The following DACH1 variants were observed in gnomAD, a reference collection of about 807,000 sequenced individuals.
DACH1 encodes dachshund homolog 1.
DACH1 carries 12 observed loss-of-function variants against 54.2 expected under a neutral mutation model. The observed-to-expected ratio is 0.22, with a 90% CI of 0.14 to 0.36. The LOEUF (loss-of-function observed/expected upper bound fraction) is 0.36, where lower values mean the gene tolerates loss of function less well. Ranked by LOEUF, DACH1 falls within the 10% of genes least tolerant of loss-of-function variation. The pLI is 1.00. For missense variants in DACH1, 805 were observed against 929.8 expected, an observed-to-expected ratio of 0.87 and a Z score of 1.75; for synonymous variants, 386 against 366.2, an observed-to-expected ratio of 1.05 and a Z score of -0.62.
intron 3 of DACH1, among the ~76,000 whole-genome samples, chr13:71,599,420 T>C (rs1191023814): frequency 6.6e-6 from 1 of 152,034 alleles, no homozygotes; most frequent in East Asian, 1.9e-4. Flanking sequence ...CTTTCAGGGG[T>C]AGAAAAATGG....
intron 3 of DACH1, among the ~76,000 whole-genome samples, chr13:71,621,861 A>G (rs1286589690): frequency 2.6e-5 from 4 of 152,166 alleles, no homozygotes; most frequent in African/African-American, 9.6e-5. Flanking sequence ...AACTGCACAT[A>G]CTGTTTTAAT....
chr13:71,633,890 C>T (rs754708653), intron 2 of DACH1, among the ~76,000 whole-genome samples: 8 of 152,018 alleles, frequency 5.3e-5, no homozygotes, highest in South Asian at 2.1e-4. Context: ...TATAATAGCA[C>T]GTCCCCCATC....
intron 1 of DACH1, among the ~76,000 whole-genome samples, chr13:71,789,798 G>A (rs1886760057): frequency 6.6e-6 from 1 of 152,050 alleles, no homozygotes; most frequent in Admixed American, 6.6e-5. Flanking sequence ...CATAAACAAT[G>A]CAATCAAACC....
chr13:71,462,401 A>C (rs888290301), intron 10 of DACH1, among the ~76,000 whole-genome samples: 6 of 151,880 alleles, frequency 4.0e-5, no homozygotes, highest in African/African-American at 1.4e-4. Flanking sequence ...TAATTGATGT[A>C]ATTATTGAAA....
intron 1 of DACH1, among the ~76,000 whole-genome samples, chr13:71,750,416 C>T (rs1441499511): frequency 2.0e-5 from 3 of 152,082 alleles, no homozygotes; most frequent in Non-Finnish European, 4.4e-5. Flanking sequence ...TGAATGACAA[C>T]AGAATTAAGG....
intron 6 of DACH1, among the ~76,000 whole-genome samples, chr13:71,520,000 C>G (rs1424093179): frequency 1.3e-5 from 2 of 148,342 alleles, no homozygotes; most frequent in Non-Finnish European, 3.0e-5. Context: ...TGGTCACCAC[C>G]ACATTGCCAT....
chr13:71,845,793 A>G (rs140490319), intron 1 of DACH1, among the ~76,000 whole-genome samples: 6 of 152,312 alleles, frequency 3.9e-5, no homozygotes, highest in African/African-American at 1.4e-4. Context: ...TGAAGATATA[A>G]ATTAGATTAA....
chr13:71,479,555 A>G (rs1029010649), intron 7 of DACH1, among the ~76,000 whole-genome samples: 1 of 152,212 alleles, frequency 6.6e-6, no homozygotes, highest in African/African-American at 2.4e-5. Flanking sequence ...TAATTAGAAT[A>G]TCTAGATCCA....
rs1885720770 is a variant in DACH1, at chr13:71,579,312, C to G, written c.1127-6300G>C. Among the ~76,000 whole-genome samples, 3 of 152,196 alleles carry G rather than the reference C, an allele frequency of 2.0e-5. No homozygotes were observed. The East Asian group carries it at 5.8e-4, about 29-fold the overall frequency. On this transcript the variant is annotated intron_variant, in intron 3 of 10. Coordinates refer to ENST00000613252, the MANE Select transcript of DACH1 (RefSeq NM_080759.6). The stretch of plus-strand genomic sequence containing the variant: ...TTGCCCTATATACTCCACAATGGTG[C>G]TGAAAGTAACAATAAGTGAAGTTGT...
At position 71,866,543 on chromosome 13, in the gene DACH1, C is replaced by T; in HGVS notation, c.227G>A (p.Gly76Asp). 1 of 1,241,044 alleles carries T rather than the reference C, an allele frequency of 8.1e-7. No individual in the cohort carries two copies. 76.9% of individuals were successfully genotyped at this position (1,241,044 alleles called of 1,614,324 possible). The change falls in exon 1 of 11, where the codon GGC becomes GAC. Residue 76 changes from glycine (G) to aspartate (D), a missense_variant. Gly to Asp is a moderately conservative substitution (Grantham distance 94). Transcript: ENST00000613252. ...GCCTCCGCTGCCGCCGCCGCCGCCG[C>T]CGCCGCCGGTAGAGGTGACTGTGGC... ...AAATVTSTGG[G>D]GGGGGSGGGG...
chr13:71,751,807 G>A (rs1884941557), intron 1 of DACH1, among the ~76,000 whole-genome samples: 1 of 152,012 alleles, frequency 6.6e-6, no homozygotes, highest in African/African-American at 2.4e-5. Context: ...TGCAAACTAA[G>A]CCAAATATGT....
At position 71,821,953 on chromosome 13, in the gene DACH1, C is replaced by T. The variant is rs139326136; in HGVS notation, c.848+43969G>A. 5.3e-3 allele frequency among the ~76,000 whole-genome samples: 799 copies of T among 151,918 alleles called. 6 individuals carry two copies. The highest frequency in any genetic ancestry group is 0.018 in the African/African-American group (757 of 41,430). ...GTGTGTGCCTGTAGTCCCAGCTACT[C>T]GGGAGGCTGAGGCAGGAGAATTGCT... On this transcript the variant is annotated intron_variant, in intron 1 of 10. Transcript: ENST00000613252.
intron 6 of DACH1, among the ~76,000 whole-genome samples, chr13:71,539,668 C>T (rs1883011758): frequency 6.6e-6 from 1 of 152,018 alleles, no homozygotes; most frequent in African/African-American, 2.4e-5. Flanking sequence ...CTATTTTACA[C>T]ATATTTTATT....
intron 1 of DACH1, among the ~76,000 whole-genome samples, chr13:71,837,777 G>A (rs1405588163): frequency 7.0e-6 from 1 of 143,122 alleles, no homozygotes; most frequent in Non-Finnish European, 1.5e-5. Flanking sequence ...ATGATAGACT[G>A]GATTAAGAAA....
chr13:71,722,081 C>T (rs1190179586), intron 1 of DACH1, among the ~76,000 whole-genome samples: 1 of 152,092 alleles, frequency 6.6e-6, no homozygotes, highest in East Asian at 1.9e-4. Context: ...TATTCCTTAG[C>T]AGTATACAAC....
intron 1 of DACH1, among the ~76,000 whole-genome samples, chr13:71,728,443 G>A (rs1883579739): frequency 6.6e-6 from 1 of 151,840 alleles, no homozygotes; most frequent in African/African-American, 2.4e-5. Context: ...TGACTCTAAG[G>A]ACTATACTAG....
In DACH1 at chr13:71,785,987, G is replaced by A. The variant is rs574304310; in HGVS notation, c.848+79935C>T. ...TTCAAGGGAGCACCATGAGGGGCAG[G>A]CATTGGTGGACAACAGCTTGGAACA... On this transcript the variant is annotated intron_variant, in intron 1 of 10. Coordinates refer to ENST00000613252, the MANE Select transcript of DACH1 (RefSeq NM_080759.6). 3.3e-5 allele frequency among the ~76,000 whole-genome samples: 5 copies of A among 152,130 alleles called. No individual in the cohort carries two copies. In the East Asian group the frequency reaches 9.6e-4, roughly 29 times the overall value.
At chr13:71,479,417 G>T in intron 7 of DACH1, 101 bp from the exon 8 acceptor site, 1 of 1,189,832 alleles carries the variant, frequency 8.4e-7, no homozygotes, top group Non-Finnish European at 1.2e-6. Flanking sequence ...GTGATCAAAT[G>T]ACCTAATTCT....
chr13:71,446,483 C>T (rs1874476959), intron 10 of DACH1, among the ~76,000 whole-genome samples: 2 of 152,128 alleles, frequency 1.3e-5, no homozygotes, highest in South Asian at 4.1e-4. Flanking sequence ...TTTCCACCAA[C>T]CCAAGAAAAT....
Sources: gnomAD v4.1 joint callset for allele counts (sites outside exome capture counted in the v4.1 genomes callset) on GRCh38, gnomAD v4.1.1 for gene constraint, MANE v1.5 for transcripts, NCBI Gene and HGNC (gene_info 2026-07-23, HGNC 2026-07-21) for gene names.